The following SLC9A2 variants were observed in gnomAD, a reference collection of about 807,000 sequenced individuals.
SLC9A2 encodes solute carrier family 9 member A2.
In SLC9A2, 42 loss-of-function variants were observed where a neutral mutation model predicts 71.7. The observed-to-expected ratio is 0.59, with a 90% CI of 0.46 to 0.76. The LOEUF (loss-of-function observed/expected upper bound fraction) is 0.76. Ranked by LOEUF, SLC9A2 falls within the 30% of genes least tolerant of loss-of-function variation. The pLI is 0.00. For synonymous variants in SLC9A2, 396 were observed against 392.5 expected (o/e 1.01, Z -0.10); for missense variants, 829 against 1,017.4 (o/e 0.81, Z 2.52).
At chr2:102,635,566 C>T (rs1267179429) in intron 1 of SLC9A2, among the ~76,000 whole-genome samples, 1 of 152,256 alleles carries the variant, frequency 6.6e-6, no homozygotes, top group Admixed American at 6.5e-5. Flanking sequence ...TGGCTGTTCA[C>T]TCGCTGTCCA....
chr2:102,663,488 C>T (rs760700409), intron 2 of SLC9A2, among the ~76,000 whole-genome samples: 16 of 152,146 alleles, frequency 1.1e-4, no homozygotes, highest in Non-Finnish European at 1.8e-4. Context: ...TTGTGGTAGG[C>T]TATGACCACA....
chr2:102,689,441 A>G lies in SLC9A2; in HGVS notation c.1426-4973A>G, dbSNP rs778249268. On this transcript the variant is annotated intron_variant, in intron 5 of 11. Transcript: ENST00000233969. ...CATGGTGGGGTAGCCTCTCCCAGCA[A>G]TTACATGAATCTTTGCTGATTTAGC... is the stretch of plus-strand genomic sequence containing the variant. Among the ~76,000 whole-genome samples the G allele has an allele frequency of 4.1e-4, 63 of 152,126 alleles. 1 individual carries two copies. Among genetic ancestry groups the G allele is most frequent in the Admixed American group, 1.4e-3 (21 of 15,274 alleles).
chr2:102,702,623 AT>A, intron 9 of SLC9A2, 121 bp downstream of exon 9: 2 of 626,044 alleles, frequency 3.2e-6, no homozygotes, highest in Non-Finnish European at 2.8e-6. Context: ...CATGCTGGGC[AT>A]CTTCTCTCCT....
chr2:102,676,566 A>T (rs1677349610), intron 3 of SLC9A2, among the ~76,000 whole-genome samples: 1 of 152,236 alleles, frequency 6.6e-6, no homozygotes. Context: ...TTGATATTTT[A>T]AAAAAGATTG....
At chr2:102,661,417 A>T (rs761792914) in intron 2 of SLC9A2, among the ~76,000 whole-genome samples, 3 of 152,200 alleles carry the variant, frequency 2.0e-5, no homozygotes. Flanking sequence ...AGCAGTGACC[A>T]CTTGGATCTT....
intron 1 of SLC9A2, among the ~76,000 whole-genome samples, chr2:102,621,430 T>C (rs1422312730): frequency 2.0e-5 from 3 of 151,564 alleles, no homozygotes; most frequent in Admixed American, 1.3e-4. Context: ...CCTCAGAATA[T>C]ATTTTCTCAT....
chr2:102,669,553 C>G (rs1677205452), intron 3 of SLC9A2, among the ~76,000 whole-genome samples: 1 of 152,120 alleles, frequency 6.6e-6, no homozygotes, highest in South Asian at 2.1e-4. Context: ...CTTCACATAT[C>G]AATAGCATTG....
intron 7 of SLC9A2, among the ~76,000 whole-genome samples, chr2:102,696,915 C>A (rs1034647745): frequency 3.9e-5 from 6 of 152,150 alleles, no homozygotes; most frequent in Non-Finnish European, 8.8e-5. Context: ...GACCAGAGAT[C>A]CTATACATCT....
intron 1 of SLC9A2, among the ~76,000 whole-genome samples, chr2:102,633,247 G>A (rs1676408627): frequency 6.6e-6 from 1 of 152,142 alleles, no homozygotes; most frequent in African/African-American, 2.4e-5. Context: ...AGTTTAGGGA[G>A]CTTAGGTAAC....
intron 1 of SLC9A2, among the ~76,000 whole-genome samples, chr2:102,643,875 G>T (rs979347671): frequency 6.6e-6 from 1 of 150,712 alleles, no homozygotes; most frequent in South Asian, 2.1e-4. Flanking sequence ...TGGGAGTTTT[G>T]ACCTGTTGTA....
rs918404699 is a variant in SLC9A2, at chr2:102,709,868, T to C, written c.*1379T>C. 12 of 152,422 alleles carry C rather than the reference T, an allele frequency of 7.9e-5. No homozygotes were observed. The highest frequency in any genetic ancestry group is 2.9e-4 in the African/African-American group (12 of 41,530). The allele number at this position is 152,422 out of a possible 1,614,324, so 9.4% of individuals were successfully genotyped here. A position where few individuals can be genotyped will look rare whatever the true frequency, so the allele number is the denominator to read the frequency against. On this transcript the variant is annotated 3_prime_UTR_variant, in exon 12 of 12. Transcript: ENST00000233969. Reference sequence around the variant, plus strand: ...CCTCTGCATTTCTGAGTGTAGAAATTAAATGAAGCCACTCACAGTCCTTTG... The same window carrying C: ...CCTCTGCATTTCTGAGTGTAGAAATCAAATGAAGCCACTCACAGTCCTTTG...
intron 8 of SLC9A2, 63 bp downstream of exon 8, chr2:102,701,294 C>A: frequency 8.3e-7 from 1 of 1,206,254 alleles, no homozygotes; most frequent in Non-Finnish European, 1.2e-6. Context: ...TATTTTGAAA[C>A]TGGTAATAAT....
intron 1 of SLC9A2, among the ~76,000 whole-genome samples, chr2:102,651,778 T>C (rs1043658683): frequency 1.3e-5 from 2 of 152,226 alleles, no homozygotes; most frequent in African/African-American, 2.4e-5. Context: ...GAGGTCTCAA[T>C]AAATGCATAA....
At chr2:102,704,761 C>A in intron 10 of SLC9A2, 86 bp downstream of exon 10, 5 of 1,437,190 alleles carry the variant, frequency 3.5e-6, no homozygotes, top group Non-Finnish European at 3.8e-6. Context: ...ATCAGCTCTG[C>A]AGATCAAGTG....
chr2:102,687,933 T>A (rs1677579738), intron 5 of SLC9A2, among the ~76,000 whole-genome samples: 1 of 151,970 alleles, frequency 6.6e-6, no homozygotes, highest in Non-Finnish European at 1.5e-5. Context: ...AAATCCACCA[T>A]CACGCCCAGC....
chr2:102,651,748 A>C (rs1040237445), intron 1 of SLC9A2, among the ~76,000 whole-genome samples: 1 of 152,206 alleles, frequency 6.6e-6, no homozygotes, highest in Non-Finnish European at 1.5e-5. Context: ...TGTTTAACAC[A>C]TTGCTACACC....
rs541363806 is a variant in SLC9A2, at chr2:102,707,867, G to C, written c.2069-252G>C. Among the ~76,000 whole-genome samples, 15 of 152,296 alleles carry C rather than the reference G, an allele frequency of 9.8e-5. No individual in the cohort carries two copies. The South Asian group carries it at 1.9e-3, about 19-fold the overall frequency. On this transcript the variant is annotated intron_variant, in intron 11 of 11. Coordinates refer to ENST00000233969, the MANE Select transcript of SLC9A2 (RefSeq NM_003048.6). ...CAAAATGGGCTAATGCATTTGAAAG[G>C]ACTTAGGACAGTGCCTGGCACACAG...
chr2:102,631,609 C>CAT (rs1676357820), intron 1 of SLC9A2, among the ~76,000 whole-genome samples: 1 of 151,766 alleles, frequency 6.6e-6, no homozygotes, highest in Admixed American at 6.6e-5. Flanking sequence ...CATTTGTGTC[C>CAT]ATATTGTTGG....
At chr2:102,665,004 G>A (rs1677106803) in intron 2 of SLC9A2, 96 bp from the exon 3 acceptor site, 2 of 1,281,350 alleles carry the variant, frequency 1.6e-6, no homozygotes, top group African/African-American at 1.5e-5. Context: ...CAGAAGAAAT[G>A]TCCTTATTAG....
Sources: allele counts gnomAD v4.1 joint callset (sites outside exome capture counted in the v4.1 genomes callset), GRCh38; gene constraint gnomAD v4.1.1; transcripts MANE v1.5; gene names NCBI Gene and HGNC (gene_info 2026-07-23, HGNC 2026-07-21).